Variants in NOX4 observed in about 807,000 individuals in gnomAD.
The protein encoded by NOX4 is kidney oxidase-1.
A neutral mutation model predicts 87.6 loss-of-function variants in NOX4; 69 were observed. That is an observed-to-expected ratio of 0.79 (90% confidence interval 0.65 to 0.96). The LOEUF (loss-of-function observed/expected upper bound fraction) is 0.96. Ranked by LOEUF, NOX4 falls within the 40% of genes least tolerant of loss-of-function variation. The pLI, the probability that NOX4 is intolerant of heterozygous loss-of-function variation, is 0.00. For missense variants in NOX4, 680 were observed against 681.5 expected (o/e 1.00, Z 0.02); for synonymous variants, 275 against 238.2 (o/e 1.15, Z -1.42).
chr11:89,471,738 G>C (rs1476734355), intron 2 of NOX4, among the ~76,000 whole-genome samples: 2 of 152,030 alleles, frequency 1.3e-5, no homozygotes, highest in African/African-American at 4.8e-5. Flanking sequence ...TTGTTTGTTT[G>C]TTTGTTTGTT....
At chr11:89,557,241 T>C in the NOX4 span, 4 of 152,176 alleles carry the variant, frequency 2.6e-5, no homozygotes, top group African/African-American at 9.7e-5. Flanking sequence ...GCCTTGCTTA[T>C]GAGTTTTTGG....
At chr11:89,412,520 T>C (rs542734625) in intron 8 of NOX4, among the ~76,000 whole-genome samples, 9 of 152,220 alleles carry the variant, frequency 5.9e-5, no homozygotes, top group Admixed American at 6.5e-5. Context: ...TTGGAAACTA[T>C]ACAAATACAC....
At chr11:89,446,279 T>G (rs1244021571) in intron 4 of NOX4, among the ~76,000 whole-genome samples, 2 of 152,092 alleles carry the variant, frequency 1.3e-5, no homozygotes, top group East Asian at 3.9e-4. Context: ...CAAAAAATGG[T>G]ACAGCCATAT....
the NOX4 span, among the ~76,000 whole-genome samples, chr11:89,576,300 G>A: frequency 2.0e-5 from 3 of 152,154 alleles, no homozygotes; most frequent in Non-Finnish European, 4.4e-5. Context: ...TTCACTACCT[G>A]TCACTAGATC....
intron 11 of NOX4, among the ~76,000 whole-genome samples, chr11:89,386,813 C>T (rs1940743782): frequency 6.6e-6 from 1 of 152,100 alleles, no homozygotes. Context: ...TGCTGAACCC[C>T]CTTGGACACT....
chr11:89,553,045 A>T, the NOX4 span, among the ~76,000 whole-genome samples: 2 of 152,130 alleles, frequency 1.3e-5, no homozygotes, highest in Non-Finnish European at 2.9e-5. Flanking sequence ...CACCCCAGAG[A>T]AAACCAGGCT....
intron 11 of NOX4, among the ~76,000 whole-genome samples, chr11:89,394,282 AT>A (rs1227177475): frequency 6.6e-6 from 1 of 152,018 alleles, no homozygotes; most frequent in Non-Finnish European, 1.5e-5. Context: ...TAACCTCTAT[AT>A]TTTTTATGAA....
intron 8 of NOX4, among the ~76,000 whole-genome samples, chr11:89,404,832 T>G (rs933009818): frequency 2.0e-5 from 3 of 152,066 alleles, no homozygotes; most frequent in Non-Finnish European, 4.4e-5. Flanking sequence ...ATATCAGTAA[T>G]TTTTAGAACA....
intron 11 of NOX4, among the ~76,000 whole-genome samples, chr11:89,394,897 T>A (rs1941368986): frequency 6.6e-6 from 1 of 152,338 alleles, no homozygotes; most frequent in Non-Finnish European, 1.5e-5. Context: ...TAATCCACTC[T>A]ATCATTGATG....
At chr11:89,376,285 A>T (rs1939829155) in intron 11 of NOX4, among the ~76,000 whole-genome samples, 1 of 152,244 alleles carries the variant, frequency 6.6e-6, no homozygotes, top group South Asian at 2.1e-4. Context: ...ACAGAATAAC[A>T]TAAAGAATGA....
intron 11 of NOX4, among the ~76,000 whole-genome samples, chr11:89,378,459 A>G (rs1276918346): frequency 6.6e-6 from 1 of 152,144 alleles, no homozygotes; most frequent in African/African-American, 2.4e-5. Flanking sequence ...TACGACTCTT[A>G]TGCTCCTTAT....
intron 8 of NOX4, among the ~76,000 whole-genome samples, chr11:89,410,859 G>C (rs1050621751): frequency 1.3e-5 from 2 of 152,178 alleles, no homozygotes. Context: ...AGTGATGTGG[G>C]TGGCACACGC....
At chr11:89,523,924 A>G in the NOX4 span, among the ~76,000 whole-genome samples, 3 of 152,206 alleles carry the variant, frequency 2.0e-5, no homozygotes, top group Non-Finnish European at 4.4e-5. Context: ...TAAAAATACA[A>G]GCTAATCCAT....
the NOX4 span, among the ~76,000 whole-genome samples, chr11:89,550,777 G>A: frequency 5.9e-5 from 9 of 152,098 alleles, no homozygotes; most frequent in African/African-American, 1.9e-4. Flanking sequence ...CTTTTGCTGT[G>A]CAGAAGCTCT....
At chr11:89,500,483 C>A (rs568678481), upstream of NOX4, among the ~76,000 whole-genome samples, 3 of 152,254 alleles carry the variant, frequency 2.0e-5, no homozygotes, top group East Asian at 1.9e-4. Flanking sequence ...AGCAACAAAA[C>A]CCCCTAAGTT....
intron 2 of NOX4, among the ~76,000 whole-genome samples, chr11:89,484,385 A>G (rs988311906): frequency 2.6e-5 from 4 of 152,140 alleles, no homozygotes; most frequent in African/African-American, 7.2e-5. Context: ...TACTAAAAAT[A>G]TATTTTATTT....
chr11:89,340,012 T>C (rs370954651), intron 15 of NOX4, 51 bp downstream of exon 15: 96 of 908,632 alleles, frequency 1.1e-4, no homozygotes, highest in Middle Eastern at 2.2e-4. Context: ...ATAAAAGCTA[T>C]AACATTTTTA....
intron 7 of NOX4, among the ~76,000 whole-genome samples, chr11:89,426,056 C>T (rs1321603657): frequency 2.0e-5 from 3 of 152,088 alleles, no homozygotes; most frequent in Non-Finnish European, 4.4e-5. Context: ...TGTGAAAGTG[C>T]TCCTGATAAT....
chr11:89,551,868 A>G, the NOX4 span, among the ~76,000 whole-genome samples: 1 of 151,898 alleles, frequency 6.6e-6, no homozygotes, highest in South Asian at 2.1e-4. Flanking sequence ...TTGTCTTGTG[A>G]TGATTTTCAA....
Sources: allele counts gnomAD v4.1 joint callset (sites outside exome capture counted in the v4.1 genomes callset), GRCh38; gene constraint gnomAD v4.1.1; transcripts MANE v1.5; gene names NCBI Gene and HGNC (gene_info 2026-07-23, HGNC 2026-07-21).